THUMPD2: variants seen among roughly 807,000 people sequenced by gnomAD.
THUMPD2 encodes the protein U6 snRNA (guanine-N(2))-methyltransferase THUMPD2.
In THUMPD2, 56 loss-of-function variants were observed where a neutral mutation model predicts 49.4. That is an observed-to-expected ratio of 1.13 (90% CI 0.91 to 1.41). The LOEUF (loss-of-function observed/expected upper bound fraction) is 1.41, where lower values mean the gene tolerates loss of function less well. Ranked by LOEUF, THUMPD2 falls within the 40% of genes most tolerant of loss-of-function variation. The pLI is 0.00. For synonymous variants in THUMPD2, 237 were observed against 205.2 expected (o/e 1.15, Z -1.32); for missense variants, 709 against 594.5 (o/e 1.19, Z -2.00).
chr2:39,775,629 G>A (rs1287201771), intron 1 of THUMPD2, among the ~76,000 whole-genome samples: 1 of 151,768 alleles, frequency 6.6e-6, no homozygotes, highest in Non-Finnish European at 1.5e-5. Flanking sequence ...ACAAAAATTA[G>A]CTGGGCACCT....
At chr2:39,763,063 A>T (rs1677031621) in intron 5 of THUMPD2, among the ~76,000 whole-genome samples, 1 of 152,064 alleles carries the variant, frequency 6.6e-6, no homozygotes, top group Non-Finnish European at 1.5e-5. Context: ...GCACGTTCAG[A>T]AATAAACTCC....
In THUMPD2 at chr2:39,779,133, G is replaced by T; in HGVS notation, c.107C>A (p.Ala36Glu). ...LEPFVMREVRARLAATQVEYI... is the reference protein window; with the variant it reads ...LEPFVMREVRERLAATQVEYI... ...ACTCACCTGCGTGGCCGCCAGCCGC[G>T]CCCGCACCTCTCGCATTACGAACGG... The change falls in exon 1 of 10, where the codon GCG (alanine) becomes GAG (glutamate). Residue 36 changes from alanine (A) to glutamate (E), a missense_variant. Ala to Glu is a moderately radical substitution (Grantham distance 107). Coordinates refer to ENST00000505747, the MANE Select transcript of THUMPD2 (RefSeq NM_025264.5). 1 of 1,516,574 alleles carries T rather than the reference G, an allele frequency of 6.6e-7. No homozygotes were observed. Among genetic ancestry groups the T allele is most frequent in the Non-Finnish European group, 8.8e-7 (1 of 1,138,466 alleles). The allele number at this position is 1,516,574 out of a possible 1,614,324, so 93.9% of individuals were successfully genotyped here. A position where few individuals can be genotyped will look rare whatever the true frequency, so the allele number is the denominator to read the frequency against.
At chr2:39,760,157 C>A (rs951249985) in intron 6 of THUMPD2, among the ~76,000 whole-genome samples, 11 of 152,060 alleles carry the variant, frequency 7.2e-5, no homozygotes, top group African/African-American at 2.4e-4. Context: ...CTTAGCTTCT[C>A]CAGTAGTTGG....
chr2:39,763,586 C>T (rs1677111979), intron 5 of THUMPD2, among the ~76,000 whole-genome samples: 2 of 152,244 alleles, frequency 1.3e-5, no homozygotes, highest in East Asian at 3.9e-4. Flanking sequence ...TTATTCTAGA[C>T]TCCTTAACTA....
chr2:39,736,496 G>A lies in THUMPD2; in HGVS notation c.*239C>T, dbSNP rs909437413. On this transcript the variant is annotated 3_prime_UTR_variant, in exon 10 of 10. Transcript: ENST00000505747. ...GGGCAGAACTTTTCACATTCTGACA[G>A]AAGATAAAACTTAAGTCTAAAAAAT... 1 of 370,806 alleles carries A rather than the reference G, an allele frequency of 2.7e-6. No individual in the cohort carries two copies. 23.0% of individuals were successfully genotyped at this position (370,806 alleles called of 1,614,324 possible). A position where few individuals can be genotyped will look rare whatever the true frequency, so the allele number is the denominator to read the frequency against.
chr2:39,764,581 T>C (rs1279316344), intron 5 of THUMPD2, among the ~76,000 whole-genome samples: 3 of 152,366 alleles, frequency 2.0e-5, no homozygotes, highest in Middle Eastern at 3.4e-3. Context: ...CAAATTTTTA[T>C]GTGATCCTTT....
At chr2:39,747,400 G>C (rs907883783) in intron 8 of THUMPD2, among the ~76,000 whole-genome samples, 1 of 152,084 alleles carries the variant, frequency 6.6e-6, no homozygotes, top group African/African-American at 2.4e-5. Context: ...ATTTTGATCT[G>C]TCATCTTAAT....
In THUMPD2 at chr2:39,755,957, C is replaced by G; in HGVS notation, c.895G>C (p.Gly299Arg). 1 of 1,613,610 alleles carries G rather than the reference C, an allele frequency of 6.2e-7. No individual in the cohort carries two copies. The highest frequency in any genetic ancestry group is 8.5e-7 in the Non-Finnish European group (1 of 1,179,706). The change falls in exon 7 of 10, where the codon GGT (glycine) becomes CGT (arginine). Residue 299 changes from glycine to arginine, a missense_variant. Gly to Arg is a moderately radical substitution (Grantham distance 125, BLOSUM62 -2). Transcript: ENST00000505747. Reference sequence around the variant, plus strand: ...CACATTGGATCTAAAACAAATGCACCAGCCTGCAGACAGAAATATTAATTT... The same window carrying G: ...CACATTGGATCTAAAACAAATGCACGAGCCTGCAGACAGAAATATTAATTT... The part of the protein sequence containing the change: ...AMASLADIKA[G>R]AFVLDPMCGL...
At chr2:39,773,237 T>C (rs1020387704) in intron 1 of THUMPD2, among the ~76,000 whole-genome samples, 2 of 152,254 alleles carry the variant, frequency 1.3e-5, no homozygotes, top group African/African-American at 4.8e-5. Flanking sequence ...ATTCAGATTT[T>C]GTTACCTGAC....
chr2:39,737,134 G>C (rs1673190874), intron 9 of THUMPD2, 75 bp from the exon 10 acceptor site: 2 of 1,345,700 alleles, frequency 1.5e-6, no homozygotes, highest in East Asian at 4.9e-5. Context: ...CATTTAAAAT[G>C]GTTCATGTTT....
At chr2:39,769,180 T>G (rs775031235) in intron 3 of THUMPD2, 44 of 1,011,972 alleles carry the variant, frequency 4.3e-5, no homozygotes, top group Non-Finnish European at 5.5e-5. Context: ...GATTTCCAAA[T>G]ACAAAGGACA....
intron 8 of THUMPD2, among the ~76,000 whole-genome samples, chr2:39,752,198 TACAC>T (rs1675501900): frequency 6.6e-6 from 1 of 152,258 alleles, no homozygotes; most frequent in Admixed American, 6.5e-5. Flanking sequence ...TGCTGTGTGT[TACAC>T]ACTGTACTCT....
chr2:39,761,038 TAGG>T (rs1405009810), intron 6 of THUMPD2, among the ~76,000 whole-genome samples: 1 of 152,024 alleles, frequency 6.6e-6, no homozygotes, highest in East Asian at 1.9e-4. Context: ...ACTTTAAGAA[TAGG>T]AGGTTTTACA....
In THUMPD2 at chr2:39,770,639, C is replaced by T. The variant is rs146935109; in HGVS notation, c.263-520G>A. On this transcript the variant is annotated intron_variant, in intron 2 of 9. Coordinates refer to ENST00000505747, the MANE Select transcript of THUMPD2 (RefSeq NM_025264.5). Reference sequence around the variant, plus strand: ...AACCCATTTATAGCTTAGCATACTGCCAGTATGCTCAGCAAAGTTTAATCT... The same window carrying T: ...AACCCATTTATAGCTTAGCATACTGTCAGTATGCTCAGCAAAGTTTAATCT... Among the ~76,000 whole-genome samples, 647 of 152,070 alleles carry T rather than the reference C, an allele frequency of 4.3e-3. 5 individuals carry two copies. Among genetic ancestry groups the T allele is most frequent in the African/African-American group, 0.014 (597 of 41,506 alleles).
chr2:39,766,270 T>C (rs1677504351), intron 4 of THUMPD2, 161 bp from the exon 5 acceptor site: 1 of 481,790 alleles, frequency 2.1e-6, no homozygotes, highest in Non-Finnish European at 3.6e-6. Flanking sequence ...AATCTTTTTT[T>C]TTCTTAAGCA....
intron 5 of THUMPD2, among the ~76,000 whole-genome samples, chr2:39,764,040 C>T (rs1677183730): frequency 6.6e-6 from 1 of 152,200 alleles, no homozygotes; most frequent in Admixed American, 6.5e-5. Context: ...CCTGTAATAC[C>T]CTTTCCTTCT....
At chr2:39,752,924 C>T (rs1311198906) in intron 8 of THUMPD2, among the ~76,000 whole-genome samples, 3 of 152,182 alleles carry the variant, frequency 2.0e-5, no homozygotes, top group African/African-American at 7.2e-5. Context: ...TTCCCCTGCT[C>T]CTAGAAGTGC....
At chr2:39,748,510 G>A (rs376094466) in intron 8 of THUMPD2, among the ~76,000 whole-genome samples, 4 of 152,092 alleles carry the variant, frequency 2.6e-5, no homozygotes, top group African/African-American at 9.7e-5. Flanking sequence ...AGACCATCCT[G>A]GCCAACATGG....
chr2:39,761,482 T>G, intron 5 of THUMPD2, 64 bp from the exon 6 acceptor site: 1 of 1,425,702 alleles, frequency 7.0e-7, no homozygotes, highest in East Asian at 2.3e-5. Flanking sequence ...AAAAATGATT[T>G]ACCTGTCCAA....
Sources: gnomAD v4.1 joint callset for allele counts (sites outside exome capture counted in the v4.1 genomes callset) on GRCh38, gnomAD v4.1.1 for gene constraint, MANE v1.5 for transcripts, NCBI Gene and HGNC (gene_info 2026-07-23, HGNC 2026-07-21) for gene names.